The following CRTAM variants were observed in gnomAD, a reference collection of about 807,000 sequenced individuals.
The protein encoded by CRTAM is cytotoxic and regulatory T cell molecule.
In CRTAM, 44 loss-of-function variants were observed where a neutral mutation model predicts 50.0. The observed-to-expected ratio is 0.88, with a 90% CI of 0.69 to 1.13. The LOEUF (loss-of-function observed/expected upper bound fraction) is 1.13. Ranked by LOEUF, CRTAM falls within the 50% of genes most tolerant of loss-of-function variation. The pLI, the probability that CRTAM is intolerant of heterozygous loss-of-function variation, is 0.00. For missense variants in CRTAM, 448 were observed against 457.5 expected (o/e 0.98, Z 0.19); for synonymous variants, 159 against 169.3 (o/e 0.94, Z 0.47).
At chr11:122,863,346 AAAGAAAAAG>A in intron 6 of CRTAM, among the ~76,000 whole-genome samples, 1 of 75,554 alleles carries the variant, frequency 1.3e-5, no homozygotes, top group Non-Finnish European at 3.9e-5. Flanking sequence ...AGAAAGAAAG[AAAGAAAAAG>A]AAAGAAAGAA....
intron 1 of CRTAM, among the ~76,000 whole-genome samples, chr11:122,846,026 T>C (rs896959232): frequency 6.6e-6 from 1 of 151,958 alleles, no homozygotes; most frequent in South Asian, 2.1e-4. Flanking sequence ...AAAACAATGA[T>C]GGTAGAATTA....
chr11:122,867,921 T>C (rs1862200248), intron 8 of CRTAM, 92 bp from the exon 9 acceptor site: 2 of 761,818 alleles, frequency 2.6e-6, no homozygotes. Flanking sequence ...AGTCTACTAT[T>C]GCACAGTAAC....
At chr11:122,855,897 A>T in intron 5 of CRTAM, 41 bp downstream of exon 5, 1 of 1,537,500 alleles carries the variant, frequency 6.5e-7, no homozygotes, top group Non-Finnish European at 9.0e-7. Flanking sequence ...TTTTTGATTT[A>T]CTTTAATATT....
At chr11:122,862,583 C>G (rs1399170360) in intron 6 of CRTAM, 39 bp downstream of exon 6, 2 of 1,275,650 alleles carry the variant, frequency 1.6e-6, no homozygotes, top group South Asian at 2.6e-5. Flanking sequence ...TTTAAAAAAT[C>G]ACGTTTCCTT....
chr11:122,839,984 T>C (rs959648544), intron 1 of CRTAM, among the ~76,000 whole-genome samples: 3 of 152,214 alleles, frequency 2.0e-5, no homozygotes, highest in East Asian at 3.8e-4. Flanking sequence ...ATTAAGTGGC[T>C]TAAAGAATAG....
Position 122,871,576 on chromosome 11 carries a change from C to G in CRTAM, c.*177C>G. On this transcript the variant is annotated 3_prime_UTR_variant, in exon 10 of 10. Transcript: ENST00000227348. ...CTAGGGCAGCAACATGAGGACCAAACCATGCACATAAAGCTTGTAGTTTAA... is the reference window on the plus strand; with the variant it reads ...CTAGGGCAGCAACATGAGGACCAAAGCATGCACATAAAGCTTGTAGTTTAA... The G allele has an allele frequency of 2.2e-6, 1 of 456,624 alleles. No individual in the cohort carries two copies. Among genetic ancestry groups the G allele is most frequent in the Non-Finnish European group, 3.9e-6 (1 of 259,558 alleles). 28.3% of individuals were successfully genotyped at this position (456,624 alleles called of 1,614,324 possible).
At chr11:122,843,656 A>G (rs545673201) in intron 1 of CRTAM, among the ~76,000 whole-genome samples, 2 of 152,310 alleles carry the variant, frequency 1.3e-5, no homozygotes, top group Admixed American at 1.3e-4. Context: ...CAAAGAAGAT[A>G]TCTCACACCC....
intron 5 of CRTAM, among the ~76,000 whole-genome samples, chr11:122,856,254 A>C (rs980445479): frequency 6.6e-6 from 1 of 152,272 alleles, no homozygotes; most frequent in African/African-American, 2.4e-5. Flanking sequence ...TTTTATGTGA[A>C]TATGAAACAC....
chr11:122,852,537 A>G (rs1192161171), intron 3 of CRTAM, among the ~76,000 whole-genome samples: 1 of 152,184 alleles, frequency 6.6e-6, no homozygotes, highest in Non-Finnish European at 1.5e-5. Flanking sequence ...ACACAAATGA[A>G]TGTCTTAGAC....
At chr11:122,841,311 C>G (rs374760057) in intron 1 of CRTAM, among the ~76,000 whole-genome samples, 3 of 152,126 alleles carry the variant, frequency 2.0e-5, no homozygotes, top group African/African-American at 7.2e-5. Flanking sequence ...CTGGCTTTAA[C>G]TTAGCCCTAG....
Position 122,854,230 on chromosome 11 carries a change from T to C in CRTAM, c.490+144T>C, listed in dbSNP as rs1861975700. ...CAGCTCTTTTCCAGACAAGTTATTC[T>C]TACAACCAATCAATTTTATGCCTTA... On this transcript the variant is annotated intron_variant, in intron 4 of 9. Coordinates refer to ENST00000227348, the MANE Select transcript of CRTAM (RefSeq NM_019604.4). 5.3e-6 allele frequency: 4 copies of C among 759,192 alleles called. No individual in the cohort carries two copies. The South Asian group carries it at 7.1e-5, about 13-fold the overall frequency. The allele number at this position is 759,192 out of a possible 1,614,324, so 47.0% of individuals were successfully genotyped here. A position where few individuals can be genotyped will look rare whatever the true frequency, so the allele number is the denominator to read the frequency against.
intron 6 of CRTAM, among the ~76,000 whole-genome samples, chr11:122,863,953 G>GA (rs1862133815): frequency 1.3e-5 from 2 of 151,434 alleles, no homozygotes; most frequent in Non-Finnish European, 1.5e-5. Context: ...ACTGCAGAGA[G>GA]AAAAAAGGAA....
At chr11:122,850,425 A>G (rs1192494346) in intron 2 of CRTAM, among the ~76,000 whole-genome samples, 1 of 152,216 alleles carries the variant, frequency 6.6e-6, no homozygotes, top group Non-Finnish European at 1.5e-5. Context: ...AAACCCCACC[A>G]GAATGGTTGT....
At chr11:122,863,239 A>AAGAAAGAAAGAG (rs1261708888) in intron 6 of CRTAM, among the ~76,000 whole-genome samples, 1 of 147,466 alleles carries the variant, frequency 6.8e-6, no homozygotes, top group African/African-American at 2.5e-5. Context: ...GAAAGAAAGA[A>AAGAAAGAAAGAG]AGAAAGAAAG....
At chr11:122,861,703 A>C (rs1862085120) in intron 5 of CRTAM, among the ~76,000 whole-genome samples, 1 of 151,850 alleles carries the variant, frequency 6.6e-6, no homozygotes, top group African/African-American at 2.4e-5. Flanking sequence ...AGCCTTCCAA[A>C]GTGCTGAGAT....
At chr11:122,854,949 A>G (rs998544001) in intron 4 of CRTAM, among the ~76,000 whole-genome samples, 7 of 152,050 alleles carry the variant, frequency 4.6e-5, no homozygotes, top group Admixed American at 1.3e-4. Flanking sequence ...TATCTATGTA[A>G]TCAACCATCT....
chr11:122,839,161 T>C (rs1861769993), intron 1 of CRTAM, among the ~76,000 whole-genome samples: 1 of 152,156 alleles, frequency 6.6e-6, no homozygotes, highest in African/African-American at 2.4e-5. Flanking sequence ...CTCAATCTCC[T>C]GACCTCGTGA....
chr11:122,870,940 A>T (rs143702296), intron 9 of CRTAM, among the ~76,000 whole-genome samples: 8 of 152,014 alleles, frequency 5.3e-5, no homozygotes, highest in African/African-American at 1.9e-4. Flanking sequence ...TTAGCTGGGC[A>T]TGGTAGTGTG....
chr11:122,852,869 T>G (rs1267412393), intron 3 of CRTAM, among the ~76,000 whole-genome samples: 2 of 152,164 alleles, frequency 1.3e-5, no homozygotes, highest in Non-Finnish European at 2.9e-5. Flanking sequence ...GTAACACATC[T>G]AATGTATATT....
Sources: allele counts gnomAD v4.1 joint callset (sites outside exome capture counted in the v4.1 genomes callset), GRCh38; gene constraint gnomAD v4.1.1; transcripts MANE v1.5; gene names NCBI Gene and HGNC (gene_info 2026-07-23, HGNC 2026-07-21).